Variants in NFIX observed in about 807,000 individuals in gnomAD.
NFIX encodes nuclear factor I X.
Under a neutral mutation model 53.3 loss-of-function variants are expected in NFIX, and 2 were observed. The ratio of observed to expected loss-of-function variants is 0.04; its 90% CI spans 0.02 to 0.12. The LOEUF is 0.12. Among genes scored for constraint, NFIX ranks in the 10% least tolerant of loss-of-function variants. NFIX has a pLI of 1.00. For missense variants in NFIX, 310 were observed against 674.5 expected, an observed-to-expected ratio of 0.46 and a Z score of 5.99; for synonymous variants, 244 against 289.0, an observed-to-expected ratio of 0.84 and a Z score of 1.58.
intron 2 of NFIX, among the ~76,000 whole-genome samples, chr19:13,041,719 G>T (rs569395477): frequency 4.0e-5 from 6 of 151,452 alleles, no homozygotes; most frequent in Non-Finnish European, 7.4e-5. Flanking sequence ...ACTTGAACCC[G>T]GGAGGCAGAG....
In NFIX at chr19:13,090,282, T is replaced by A; in HGVS notation, c.1403-17T>A. 1 of 1,613,378 alleles carries A rather than the reference T, an allele frequency of 6.2e-7. No homozygotes were observed. ...AGGCCTGACAGGGTCTCTCCCTCTC[T>A]CCCCTGCTCCCCACAGCATTCGCAA... On this transcript the variant is annotated splice_polypyrimidine_tract_variant and intron_variant, in intron 9 of 10. Transcript: ENST00000592199. The surrounding 1 kb of genome is among the most constrained non-coding windows in gnomAD (Gnocchi z 6.6).
In NFIX at chr19:12,995,869, C is replaced by G; in HGVS notation, c.27+5C>G. 1 of 982,528 alleles carries G rather than the reference C, an allele frequency of 1.0e-6. No individual in the cohort carries two copies. Among genetic ancestry groups the G allele is most frequent in the Non-Finnish European group, 1.2e-6 (1 of 829,316 alleles). 60.9% of individuals were successfully genotyped at this position (982,528 alleles called of 1,614,324 possible). ...TCCCCGTACTGCCTCACCCAGGTAC[C>G]GGCCGCCGCCCCCGCGCGACCGGGG... On this transcript the variant is annotated splice_donor_5th_base_variant and intron_variant, in intron 1 of 10. Transcript: ENST00000592199.
rs2013262961 is a variant in NFIX, at chr19:13,025,451, C to T, written c.458C>T (p.Ser153Leu). ...ESTDGERLYK[S>L]PQCSNPGLCV... The stretch of plus-strand genomic sequence containing the variant: ...ACTGATGGGGAGCGGCTCTACAAGT[C>T]GCCTCAGTGCTCGAACCCCGGCCTG... Residue 153 changes from serine (S) to leucine (L), a missense_variant, in exon 2 of 11, where the codon TCG becomes TTG. Transcript: ENST00000592199. This position sits in a 1 kb window ranked among gnomAD's most constrained non-coding sequence, Gnocchi z 7.5. 6.2e-7 allele frequency: 1 copy of T among 1,614,008 alleles called. No homozygotes were observed. The highest frequency in any genetic ancestry group is 8.5e-7 in the Non-Finnish European group (1 of 1,179,908).
At chr19:13,041,362 AG>A (rs1206943086) in intron 2 of NFIX, among the ~76,000 whole-genome samples, 3 of 152,208 alleles carry the variant, frequency 2.0e-5, no homozygotes, top group African/African-American at 7.2e-5. Flanking sequence ...GCATGAAGTC[AG>A]GGGGTGGAAA....
chr19:13,067,178 G>C lies in NFIX; in HGVS notation c.560-5869G>C, dbSNP rs2016458030. ...GGCGGGTGCAGTGCTGGGAGGGCCA[G>C]TGATTGGCCCCAGAATCGCATCAGC... On this transcript the variant is annotated intron_variant, in intron 2 of 10. Coordinates refer to ENST00000592199, the MANE Select transcript of NFIX (RefSeq NM_001365902.3). This position sits in a 1 kb window ranked among gnomAD's most constrained non-coding sequence, Gnocchi z 4.2. Among the ~76,000 whole-genome samples, 1 of 152,246 alleles carries C rather than the reference G, an allele frequency of 6.6e-6. No homozygotes were observed. The highest frequency in any genetic ancestry group is 1.5e-5 in the Non-Finnish European group (1 of 68,044).
chr19:13,011,016 C>T lies in NFIX; in HGVS notation c.28-14005C>T, dbSNP rs1466616418. Among the ~76,000 whole-genome samples, 1 of 152,186 alleles carries T rather than the reference C, an allele frequency of 6.6e-6. No homozygotes were observed. The highest frequency in any genetic ancestry group is 1.5e-5 in the Non-Finnish European group (1 of 68,042). On this transcript the variant is annotated intron_variant, in intron 1 of 10. Coordinates refer to ENST00000592199, the MANE Select transcript of NFIX (RefSeq NM_001365902.3). The surrounding 1 kb of genome is among the most constrained non-coding windows in gnomAD (Gnocchi z 6.5). Reference sequence around the variant, plus strand: ...TATATATACTTTTTATATGTAAGAACCGCTCCCCCCTCTTCCCGCTCCACG... The same window carrying T: ...TATATATACTTTTTATATGTAAGAATCGCTCCCCCCTCTTCCCGCTCCACG...
intron 2 of NFIX, among the ~76,000 whole-genome samples, chr19:13,061,875 G>A (rs930331281): frequency 6.6e-6 from 1 of 152,200 alleles, no homozygotes; most frequent in Admixed American, 6.5e-5. Context: ...CCAAGAAGCA[G>A]GAGAGACACA....
Position 13,067,673 on chromosome 19 carries a change from T to C in NFIX, c.560-5374T>C, listed in dbSNP as rs1423759129. ...GGGCAATTGGCCAGCAAATTATACA[T>C]GGCCCCTTTCACAGTACAAGTTTGT... On this transcript the variant is annotated intron_variant, in intron 2 of 10. Coordinates refer to ENST00000592199, the MANE Select transcript of NFIX (RefSeq NM_001365902.3). This position sits in a 1 kb window ranked among gnomAD's most constrained non-coding sequence, Gnocchi z 4.2. Among the ~76,000 whole-genome samples, 1 of 152,112 alleles carries C rather than the reference T, an allele frequency of 6.6e-6. No individual in the cohort carries two copies. Among genetic ancestry groups the C allele is most frequent in the African/African-American group, 2.4e-5 (1 of 41,404 alleles).
rs1444437025 is a variant in NFIX at position 13,097,524 on chromosome 19, G to C, written c.*2875G>C. 2.0e-5 allele frequency: 3 copies of C among 152,554 alleles called. No individual in the cohort carries two copies. Among genetic ancestry groups the C allele is most frequent in the Non-Finnish European group, 4.4e-5 (3 of 68,012 alleles). 9.5% of individuals were successfully genotyped at this position (152,554 alleles called of 1,614,324 possible). ...AATACGCATATCCCTTCTTTGTTGA[G>C]TTTAACGGAACGGGACAGCGGCGTG... is the stretch of plus-strand genomic sequence containing the variant. On this transcript the variant is annotated 3_prime_UTR_variant, in exon 11 of 11. Transcript: ENST00000592199.
At position 13,025,812 on chromosome 19, in the gene NFIX, T is replaced by C. The variant is rs1475244002; in HGVS notation, c.559+260T>C. On this transcript the variant is annotated intron_variant, in intron 2 of 10. Transcript: ENST00000592199. The surrounding 1 kb of genome is among the most constrained non-coding windows in gnomAD (Gnocchi z 7.5). ...TGCATCTCCATCTTTGGAGGACTTA[T>C]CTGATCAGAAAGATGCTGCAGGTCT... Among the ~76,000 whole-genome samples, 1 of 152,246 alleles carries C rather than the reference T, an allele frequency of 6.6e-6. No individual in the cohort carries two copies. The highest frequency in any genetic ancestry group is 2.4e-5 in the African/African-American group (1 of 41,456).
rs2017972328 is a variant in NFIX at position 13,088,968 on chromosome 19, G to A, written c.1402+832G>A. Among the ~76,000 whole-genome samples, 1 of 150,306 alleles carries A rather than the reference G, an allele frequency of 6.7e-6. No homozygotes were observed. Among genetic ancestry groups the A allele is most frequent in the Non-Finnish European group, 1.5e-5 (1 of 67,698 alleles). ...AGGACAGGAGGATGGGGCGGGTGCT[G>A]TCTGTGGGCCAGGGTGGGCAGCTCT... On this transcript the variant is annotated intron_variant, in intron 9 of 10. Coordinates refer to ENST00000592199, the MANE Select transcript of NFIX (RefSeq NM_001365902.3). This position sits in a 1 kb window ranked among gnomAD's most constrained non-coding sequence, Gnocchi z 5.9.
chr19:13,023,070 TTCTC>T lies in NFIX; in HGVS notation c.28-1927_28-1924del, dbSNP rs3840930. Among the ~76,000 whole-genome samples, 1,064 of 138,118 alleles carry T rather than the reference TTCTC, an allele frequency of 7.7e-3. 5 individuals are homozygous for T. Among genetic ancestry groups the T allele is most frequent in the Non-Finnish European group, 0.012 (756 of 65,706 alleles). 90.6% of individuals were successfully genotyped at this position (138,118 alleles called of 152,430 possible). On this transcript the variant is annotated intron_variant, in intron 1 of 10. Coordinates refer to ENST00000592199, the MANE Select transcript of NFIX (RefSeq NM_001365902.3). The stretch of plus-strand genomic sequence containing the variant: ...CAAATAGGTGGATCCTTCTCTCTCT[TTCTC>T]TCTCTCTCTCTCTCTCTCTCTCTGT...
rs2011981671 is a variant in NFIX, at chr19:13,005,796, T to TA, written c.27+9933dup. On this transcript the variant is annotated intron_variant, in intron 1 of 10. Transcript: ENST00000592199. This position sits in a 1 kb window ranked among gnomAD's most constrained non-coding sequence, Gnocchi z 4.7. ...TAGTGGTTGGCCCTTGAACCTTTCTTACCACTCTGACCTTTGGATCTTCTT... is the reference window on the plus strand; with the variant it reads ...TAGTGGTTGGCCCTTGAACCTTTCTTAACCACTCTGACCTTTGGATCTTCTT... 6.6e-6 allele frequency among the ~76,000 whole-genome samples: 1 copy of TA among 152,176 alleles called. No homozygotes were observed. The highest frequency in any genetic ancestry group is 6.5e-5 in the Admixed American group (1 of 15,272).
intron 2 of NFIX, among the ~76,000 whole-genome samples, chr19:13,064,760 C>G (rs969170515): frequency 1.3e-5 from 2 of 152,188 alleles, no homozygotes; most frequent in Non-Finnish European, 2.9e-5. Flanking sequence ...ACAGCTTCCC[C>G]CACCAGGGTG....
At chr19:13,035,919 C>T (rs2014153997) in intron 2 of NFIX, among the ~76,000 whole-genome samples, 1 of 152,236 alleles carries the variant, frequency 6.6e-6, no homozygotes, top group Non-Finnish European at 1.5e-5. Flanking sequence ...GAGCCAATGT[C>T]CCTGTCTTCT....
chr19:13,044,173 T>C (rs1349617250), intron 2 of NFIX, among the ~76,000 whole-genome samples: 3 of 152,116 alleles, frequency 2.0e-5, no homozygotes, highest in Admixed American at 6.5e-5. Context: ...CACAAGAGGC[T>C]TTTGAATTGC....
At chr19:13,015,789 A>ATC (rs1261240383) in intron 1 of NFIX, among the ~76,000 whole-genome samples, 89 of 132,018 alleles carry the variant, frequency 6.7e-4, no homozygotes, top group Non-Finnish European at 8.6e-4. Context: ...GCATAGAGAG[A>ATC]TCACACACAC....
chr19:13,080,647 C>A (rs8111617), intron 7 of NFIX, among the ~76,000 whole-genome samples: 1 of 151,658 alleles, frequency 6.6e-6, no homozygotes, highest in Non-Finnish European at 1.5e-5. Flanking sequence ...GAGGCTGCAG[C>A]GAGCTGTGAT....
At chr19:13,004,820 CTTTT>C (rs61430205) in intron 1 of NFIX, among the ~76,000 whole-genome samples, 1 of 136,814 alleles carries the variant, frequency 7.3e-6, no homozygotes, top group African/African-American at 2.7e-5. Flanking sequence ...AAGCTAGGTT[CTTTT>C]TTTTTTTTTT....
Sources: gnomAD v4.1 joint callset for allele counts (sites outside exome capture counted in the v4.1 genomes callset) on GRCh38, gnomAD v4.1.1 for gene constraint, Gnocchi (gnomAD v3.1) non-coding constraint, MANE v1.5 for transcripts, NCBI Gene and HGNC (gene_info 2026-07-23, HGNC 2026-07-21) for gene names.